RAB3C: variants seen among roughly 807,000 people sequenced by gnomAD.
RAB3C encodes RAB3C, member RAS oncogene family.
A neutral mutation model predicts 26.4 loss-of-function variants in RAB3C; 17 were observed. The ratio of observed to expected loss-of-function variants is 0.64; its 90% CI spans 0.44 to 0.97. RAB3C has a LOEUF of 0.97. Among genes scored for constraint, RAB3C ranks in the 50% least tolerant of loss-of-function variants. RAB3C has a pLI of 0.00. For synonymous variants in RAB3C, 91 were observed against 95.9 expected, an observed-to-expected ratio of 0.95 and a Z score of 0.30; for missense variants, 242 against 281.9, an observed-to-expected ratio of 0.86 and a Z score of 1.01.
intron 3 of RAB3C, among the ~76,000 whole-genome samples, chr5:58,737,394 A>AAT (rs55691242): frequency 6.0e-4 from 23 of 38,240 alleles, no homozygotes; most frequent in South Asian, 1.3e-3. Context: ...CACCCTATGA[A>AAT]ATATATATAT....
At chr5:58,764,320 C>T (rs952459591) in intron 3 of RAB3C, among the ~76,000 whole-genome samples, 4 of 152,260 alleles carry the variant, frequency 2.6e-5, no homozygotes, top group East Asian at 3.9e-4. Context: ...TAATGCATGA[C>T]GATGTACTCA....
At chr5:58,596,104 C>T (rs544755573) in intron 1 of RAB3C, among the ~76,000 whole-genome samples, 1 of 152,136 alleles carries the variant, frequency 6.6e-6, no homozygotes, top group African/African-American at 2.4e-5. Context: ...TAGGGTGACC[C>T]ACCACCTAGC....
intron 3 of RAB3C, among the ~76,000 whole-genome samples, chr5:58,758,871 A>G (rs1022459158): frequency 2.4e-4 from 36 of 148,032 alleles, no homozygotes; most frequent in Non-Finnish European, 4.9e-4. Context: ...TTTTTTTTGG[A>G]TACTTTTCCA....
intron 3 of RAB3C, among the ~76,000 whole-genome samples, chr5:58,824,500 T>A (rs989781772): frequency 6.6e-6 from 1 of 152,230 alleles, no homozygotes; most frequent in African/African-American, 2.4e-5. Context: ...TTAGCTCTCA[T>A]GATTCTTTTT....
chr5:58,635,856 T>A (rs1161076819), intron 2 of RAB3C, among the ~76,000 whole-genome samples: 14 of 152,112 alleles, frequency 9.2e-5, no homozygotes, highest in Admixed American at 9.2e-4. Flanking sequence ...CGCGTGGTGT[T>A]TGGTAATAGG....
intron 3 of RAB3C, among the ~76,000 whole-genome samples, chr5:58,760,009 G>A (rs1161562695): frequency 6.6e-6 from 1 of 152,220 alleles, no homozygotes; most frequent in Non-Finnish European, 1.5e-5. Flanking sequence ...ATCAAGCCAA[G>A]TGTTCTTTCC....
intron 2 of RAB3C, among the ~76,000 whole-genome samples, chr5:58,668,973 T>C (rs1211016766): frequency 6.6e-6 from 1 of 152,122 alleles, no homozygotes; most frequent in Non-Finnish European, 1.5e-5. Flanking sequence ...TGGCTTACAG[T>C]TGGAGATGGC....
At chr5:58,801,667 A>C (rs1245351994) in intron 3 of RAB3C, among the ~76,000 whole-genome samples, 1 of 152,288 alleles carries the variant, frequency 6.6e-6, no homozygotes, top group Non-Finnish European at 1.5e-5. Flanking sequence ...GCCAGAGGCC[A>C]ACTCTCTGGA....
At chr5:58,705,106 T>A (rs1748917827) in intron 2 of RAB3C, among the ~76,000 whole-genome samples, 2 of 152,192 alleles carry the variant, frequency 1.3e-5, no homozygotes, top group Admixed American at 1.3e-4. Context: ...TTGATAATTT[T>A]TTTAACCATC....
intron 4 of RAB3C, among the ~76,000 whole-genome samples, chr5:58,834,016 CA>C (rs1743679619): frequency 1.3e-5 from 2 of 152,130 alleles, no homozygotes; most frequent in Admixed American, 6.5e-5. Flanking sequence ...TTTTTGATAA[CA>C]CAAGAAATTA....
chr5:58,583,044 CGCG>C, upstream of RAB3C: 1 of 1,455,058 alleles, frequency 6.9e-7, no homozygotes, highest in South Asian at 1.4e-5. Flanking sequence ...CTCGGCAGTA[CGCG>C]TGTGCGGCGC....
chr5:58,610,949 C>G (rs1746686370), intron 1 of RAB3C, among the ~76,000 whole-genome samples: 1 of 152,046 alleles, frequency 6.6e-6, no homozygotes, highest in Admixed American at 6.6e-5. Flanking sequence ...TTGTTCCCCT[C>G]TATGTGTCCG....
rs1486121183 is a variant in RAB3C at position 58,856,377 on chromosome 5, A to T, written c.*5026A>T. 1 of 151,802 alleles carries T rather than the reference A, an allele frequency of 6.6e-6. No homozygotes were observed. The highest frequency in any genetic ancestry group is 1.9e-4 in the East Asian group (1 of 5,190). The allele number at this position is 151,802 out of a possible 1,614,324, so 9.4% of individuals were successfully genotyped here. On this transcript the variant is annotated 3_prime_UTR_variant, in exon 5 of 5. Transcript: ENST00000282878. ...GATCAGACCATCTAGCTAGTGGACA[A>T]ATTGAACTTTCTATTTGCAGTTCTC...
chr5:58,732,490 AC>A lies in RAB3C; in HGVS notation c.371+6371del, dbSNP rs1408801688. On this transcript the variant is annotated intron_variant, in intron 3 of 4. Coordinates refer to ENST00000282878, the MANE Select transcript of RAB3C (RefSeq NM_138453.4). ...TATAACTAGTACTAAAAAGGCCATG[AC>A]TTTAGACTCATTTTTTTCTTTCTTA... 2.0e-5 allele frequency among the ~76,000 whole-genome samples: 3 copies of A among 152,208 alleles called. No homozygotes were observed. The East Asian group carries it at 5.8e-4, about 29-fold the overall frequency.
chr5:58,759,571 T>G (rs1741749857), intron 3 of RAB3C, among the ~76,000 whole-genome samples: 1 of 152,264 alleles, frequency 6.6e-6, no homozygotes, highest in African/African-American at 2.4e-5. Context: ...TTATAACATG[T>G]AATGTATGAG....
At chr5:58,794,135 A>C (rs748818124) in intron 3 of RAB3C, among the ~76,000 whole-genome samples, 61 of 152,170 alleles carry the variant, frequency 4.0e-4, no homozygotes, top group Admixed American at 7.9e-4. Context: ...CTAAAGTTAT[A>C]CCAGCAAATG....
At chr5:58,847,760 T>C (rs1292288404) in intron 4 of RAB3C, among the ~76,000 whole-genome samples, 1 of 152,202 alleles carries the variant, frequency 6.6e-6, no homozygotes, top group Non-Finnish European at 1.5e-5. Context: ...ACTAATGATA[T>C]TGATTTTGAT....
rs1744207332 is a variant in RAB3C, at chr5:58,854,329, T to G, written c.*2978T>G. ...GATACCCTTAGGAATAAACCTGAAC[T>G]GTTCCAAATCGATTCTTCCAAGAGC... On this transcript the variant is annotated 3_prime_UTR_variant, in exon 5 of 5. Transcript: ENST00000282878. 1 of 152,208 alleles carries G rather than the reference T, an allele frequency of 6.6e-6. No individual in the cohort carries two copies. Among genetic ancestry groups the G allele is most frequent in the Non-Finnish European group, 1.5e-5 (1 of 68,026 alleles). The allele number at this position is 152,208 out of a possible 1,614,324, so 9.4% of individuals were successfully genotyped here.
intron 3 of RAB3C, chr5:58,822,915 ATGGTCAGCCTGG>A: frequency 1.6e-6 from 1 of 640,554 alleles, no homozygotes; most frequent in South Asian, 1.4e-5. Context: ...GAAAGCATTG[ATGGTCAGCCTGG>A]TGCCTTCACC....
Sources: gnomAD v4.1 joint callset for allele counts (sites outside exome capture counted in the v4.1 genomes callset) on GRCh38, gnomAD v4.1.1 for gene constraint, MANE v1.5 for transcripts, NCBI Gene and HGNC (gene_info 2026-07-23, HGNC 2026-07-21) for gene names.